PRKN: variants seen among roughly 807,000 people sequenced by gnomAD.
PRKN encodes parkin RBR E3 ubiquitin protein ligase, also known as E3 ubiquitin-protein ligase parkin.
PRKN carries 56 observed loss-of-function variants against 59.5 expected under a neutral mutation model. That is an observed-to-expected ratio of 0.94 (90% CI 0.76 to 1.18). The LOEUF is 1.18. PRKN is among the 50% of genes most tolerant of loss of function. PRKN has a pLI of 0.00. For synonymous variants in PRKN, 250 were observed against 222.1 expected (o/e 1.13, Z -1.12); for missense variants, 657 against 596.4 (o/e 1.10, Z -1.06).
chr6:162,119,711 G>A (rs1034764124), intron 4 of PRKN, among the ~76,000 whole-genome samples: 1 of 152,112 alleles, frequency 6.6e-6, no homozygotes, highest in African/African-American at 2.4e-5. Context: ...CGGGTCTTTA[G>A]GTAAGAAGCC....
chr6:162,485,814 T>C (rs1182736926), intron 1 of PRKN, among the ~76,000 whole-genome samples: 1 of 152,168 alleles, frequency 6.6e-6, no homozygotes, highest in East Asian at 1.9e-4. Flanking sequence ...GGAACCACAG[T>C]CACACTGACA....
intron 2 of PRKN, among the ~76,000 whole-genome samples, chr6:162,436,947 C>A (rs964428988): frequency 6.6e-6 from 1 of 151,942 alleles, no homozygotes; most frequent in South Asian, 2.1e-4. Flanking sequence ...CAAAAATGAG[C>A]CAGGCGTGGT....
Position 161,579,405 on chromosome 6 carries a change from G to A in PRKN, c.872-9989C>T, listed in dbSNP as rs1351003386. ...ATCATGGTTAATGAGGTTTCTTTAG[G>A]AGAAAAGAATTCTGAGTTCCAAACA... is the stretch of plus-strand genomic sequence containing the variant. On this transcript the variant is annotated intron_variant, in intron 7 of 11. Coordinates refer to ENST00000366898, the MANE Select transcript of PRKN (RefSeq NM_004562.3). The surrounding 1 kb of genome is among the most constrained non-coding windows in gnomAD (Gnocchi z 4.2). 6.6e-6 allele frequency among the ~76,000 whole-genome samples: 1 copy of A among 152,142 alleles called. No homozygotes were observed. The highest frequency in any genetic ancestry group is 1.5e-5 in the Non-Finnish European group (1 of 68,038).
intron 5 of PRKN, among the ~76,000 whole-genome samples, chr6:162,043,971 GA>G (rs1313886034): frequency 1.4e-4 from 21 of 152,240 alleles, no homozygotes; most frequent in African/African-American, 5.1e-4. Context: ...ATAAATACAA[GA>G]AAAGAGTGGC....
chr6:162,610,077 C>A (rs1294085607), intron 1 of PRKN, among the ~76,000 whole-genome samples: 4 of 152,136 alleles, frequency 2.6e-5, no homozygotes, highest in African/African-American at 9.7e-5. Flanking sequence ...AACGCTCTTA[C>A]AACAACAACA....
At chr6:162,270,913 C>T (rs1005547312) in intron 2 of PRKN, among the ~76,000 whole-genome samples, 1 of 151,838 alleles carries the variant, frequency 6.6e-6, no homozygotes. Context: ...ATGATCAAGG[C>T]TCGCTGCTGC....
At chr6:162,302,322 T>C (rs563481588) in intron 2 of PRKN, among the ~76,000 whole-genome samples, 1 of 150,076 alleles carries the variant, frequency 6.7e-6, no homozygotes, top group Non-Finnish European at 1.5e-5. Flanking sequence ...CTCTTATTGT[T>C]AGGTTATGTT....
chr6:162,481,698 CATTG>C (rs774688173), intron 1 of PRKN, among the ~76,000 whole-genome samples: 206 of 152,222 alleles, frequency 1.4e-3, no homozygotes, highest in Non-Finnish European at 2.5e-3. Context: ...TAGATCATAC[CATTG>C]ATTAACTAAA....
Position 161,821,311 on chromosome 6 carries a change from G to A in PRKN, c.735-35403C>T, listed in dbSNP as rs115685306. Among the ~76,000 whole-genome samples, 1,078 of 152,136 alleles carry A rather than the reference G, an allele frequency of 7.1e-3. 14 individuals are homozygous for A. The highest frequency in any genetic ancestry group is 0.025 in the African/African-American group (1,030 of 41,504). ...ATTAAATCTTTTTAAAATATAGGCA[G>A]AATTATCCTGTGCATATCGATCCAT... is the stretch of plus-strand genomic sequence containing the variant. On this transcript the variant is annotated intron_variant, in intron 6 of 11. Transcript: ENST00000366898.
chr6:162,348,821 A>G (rs1327561593), intron 2 of PRKN, among the ~76,000 whole-genome samples: 2 of 152,200 alleles, frequency 1.3e-5, no homozygotes, highest in African/African-American at 4.8e-5. Flanking sequence ...AAAGAGAGAC[A>G]GAAATTCTAA....
At chr6:162,719,638 G>C (rs1012636631) in intron 1 of PRKN, among the ~76,000 whole-genome samples, 3 of 152,122 alleles carry the variant, frequency 2.0e-5, no homozygotes, top group African/African-American at 7.2e-5. Flanking sequence ...TCCCAATCTA[G>C]GGAATGTCTC....
intron 10 of PRKN, among the ~76,000 whole-genome samples, chr6:161,368,718 C>T (rs1017510738): frequency 6.6e-6 from 1 of 151,666 alleles, no homozygotes; most frequent in Non-Finnish European, 1.5e-5. Context: ...CTCCCAGCTG[C>T]CCACCCGCCC....
intron 2 of PRKN, among the ~76,000 whole-genome samples, chr6:162,402,225 G>T (rs867171199): frequency 5.4e-5 from 8 of 148,086 alleles, no homozygotes; most frequent in Non-Finnish European, 8.9e-5. Context: ...CTCCAGCCTG[G>T]GTGACAGAGT....
intron 6 of PRKN, among the ~76,000 whole-genome samples, chr6:161,835,326 C>T (rs909788249): frequency 6.6e-6 from 1 of 151,974 alleles, no homozygotes; most frequent in Non-Finnish European, 1.5e-5. Context: ...CTTCCTGGGG[C>T]AGGGAAAATT....
intron 6 of PRKN, among the ~76,000 whole-genome samples, chr6:161,865,632 C>A (rs1314632268): frequency 6.6e-6 from 1 of 152,202 alleles, no homozygotes; most frequent in African/African-American, 2.4e-5. Flanking sequence ...CATGAACCAA[C>A]CTCTGCTAAC....
In PRKN at chr6:161,386,620, C is replaced by A. The variant is rs61498215; in HGVS notation, c.1167+174G>T. Among the ~76,000 whole-genome samples, 4,168 of 152,288 alleles carry A rather than the reference C, an allele frequency of 0.027. 198 individuals are homozygous for A. The highest frequency in any genetic ancestry group is 0.096 in the African/African-American group (3,995 of 41,550). On this transcript the variant is annotated intron_variant, in intron 10 of 11. Coordinates refer to ENST00000366898, the MANE Select transcript of PRKN (RefSeq NM_004562.3). The surrounding 1 kb of genome is among the most constrained non-coding windows in gnomAD (Gnocchi z 4.3). ...TGGCCACTGGGAAGTCTACACTGTG[C>A]CCCAAGGAGGGGAGTCATTCTGGGA...
At chr6:161,804,619 A>G (rs767747426) in intron 6 of PRKN, among the ~76,000 whole-genome samples, 9 of 152,246 alleles carry the variant, frequency 5.9e-5, no homozygotes, top group Non-Finnish European at 1.0e-4. Context: ...AAGGTTGACA[A>G]TTCATAGAAA....
At chr6:162,018,305 C>T (rs181507048) in intron 5 of PRKN, among the ~76,000 whole-genome samples, 157 of 152,290 alleles carry the variant, frequency 1.0e-3, no homozygotes, top group Middle Eastern at 6.8e-3. Flanking sequence ...GGATTACAGG[C>T]GTGAGCCACC....
intron 3 of PRKN, among the ~76,000 whole-genome samples, chr6:162,225,699 G>C (rs1778139793): frequency 6.6e-6 from 1 of 151,948 alleles, no homozygotes; most frequent in Non-Finnish European, 1.5e-5. Flanking sequence ...AATGTGCTTT[G>C]ACCAAAGATT....
Sources: gnomAD v4.1 joint callset for allele counts (sites outside exome capture counted in the v4.1 genomes callset) on GRCh38, gnomAD v4.1.1 for gene constraint, Gnocchi (gnomAD v3.1) non-coding constraint, MANE v1.5 for transcripts, NCBI Gene and HGNC (gene_info 2026-07-23, HGNC 2026-07-21) for gene names.